The following OPCML variants were observed in gnomAD, a reference collection of about 807,000 sequenced individuals.
OPCML encodes opioid-binding protein/cell adhesion molecule.
A neutral mutation model predicts 37.8 loss-of-function variants in OPCML; 13 were observed. The ratio of observed to expected loss-of-function variants is 0.34; its 90% CI spans 0.22 to 0.55. The LOEUF is 0.55. OPCML is among the 20% of genes least tolerant of loss of function. OPCML has a pLI of 0.91. For synonymous variants in OPCML, 176 were observed against 168.8 expected, an observed-to-expected ratio of 1.04 and a Z score of -0.33; for missense variants, 341 against 435.6, an observed-to-expected ratio of 0.78 and a Z score of 1.93.
At chr11:132,949,387 C>G (rs140104683) in intron 1 of OPCML, among the ~76,000 whole-genome samples, 19 of 152,300 alleles carry the variant, frequency 1.2e-4, no homozygotes, top group Non-Finnish European at 2.8e-4. Flanking sequence ...GCACACAACT[C>G]AGGAACCCAC....
chr11:132,754,823 A>G (rs1315233995), intron 2 of OPCML, among the ~76,000 whole-genome samples: 1 of 152,162 alleles, frequency 6.6e-6, no homozygotes, highest in Non-Finnish European at 1.5e-5. Flanking sequence ...TCAAGCAAAG[A>G]CATTGGAAAT....
chr11:132,817,163 A>T (rs1035979012), intron 2 of OPCML: 3 of 152,262 alleles, frequency 2.0e-5, no homozygotes, highest in Non-Finnish European at 4.4e-5. Context: ...CTGTGGCTTG[A>T]TGTGATGGTT....
intron 2 of OPCML, among the ~76,000 whole-genome samples, chr11:132,922,482 G>A (rs1034756625): frequency 6.6e-6 from 1 of 152,058 alleles, no homozygotes; most frequent in Non-Finnish European, 1.5e-5. Flanking sequence ...TGTGCGGGAA[G>A]ACGGAGCACC....
In OPCML at chr11:133,021,557, G is replaced by A. The variant is rs1947452781; in HGVS notation, c.62-78547C>T. Among the ~76,000 whole-genome samples, 3 of 146,474 alleles carry A rather than the reference G, an allele frequency of 2.0e-5. No individual in the cohort carries two copies. The South Asian group carries it at 6.5e-4, about 32-fold the overall frequency. Reference sequence around the variant, plus strand: ...GACAGGATAATCAAGTGGGCAGGGAGTACACGGCTTCCTCCTGTGCTACGG... The same window carrying A: ...GACAGGATAATCAAGTGGGCAGGGAATACACGGCTTCCTCCTGTGCTACGG... On this transcript the variant is annotated intron_variant, in intron 1 of 7. Coordinates refer to ENST00000524381, the MANE Select transcript of OPCML (RefSeq NM_001012393.5).
intron 1 of OPCML, among the ~76,000 whole-genome samples, chr11:132,978,777 G>A (rs1753489023): frequency 6.6e-6 from 1 of 152,046 alleles, no homozygotes; most frequent in South Asian, 2.1e-4. Flanking sequence ...ATTTGCATAT[G>A]TATAATGTGT....
intron 2 of OPCML, among the ~76,000 whole-genome samples, chr11:132,710,171 T>A (rs1944204136): frequency 6.6e-6 from 1 of 152,184 alleles, no homozygotes; most frequent in Admixed American, 6.5e-5. Flanking sequence ...AACATGTATT[T>A]CACGTAGAGC....
chr11:132,531,393 T>G (rs2137304735), intron 3 of OPCML, among the ~76,000 whole-genome samples: 1 of 152,306 alleles, frequency 6.6e-6, no homozygotes, highest in South Asian at 2.1e-4. Flanking sequence ...AATTATTAAT[T>G]ACCAAACAGG....
chr11:133,049,861 AC>A (rs1367696917), intron 1 of OPCML, among the ~76,000 whole-genome samples: 1 of 151,866 alleles, frequency 6.6e-6, no homozygotes, highest in African/African-American at 2.4e-5. Flanking sequence ...TGCCGGGGAG[AC>A]CCCCTCAGGA....
At chr11:132,795,962 C>T (rs958171610) in intron 2 of OPCML, among the ~76,000 whole-genome samples, 1 of 152,214 alleles carries the variant, frequency 6.6e-6, no homozygotes, top group Non-Finnish European at 1.5e-5. Context: ...TTTTTAATTG[C>T]ATCTGCCCTG....
intron 2 of OPCML, among the ~76,000 whole-genome samples, chr11:132,811,834 G>A (rs372659277): frequency 6.6e-6 from 1 of 152,162 alleles, no homozygotes; most frequent in South Asian, 2.1e-4. Flanking sequence ...CCATCCATGG[G>A]TGTGAAGAGC....
At chr11:133,095,290 T>G (rs1020538867) in intron 1 of OPCML, among the ~76,000 whole-genome samples, 4 of 145,648 alleles carry the variant, frequency 2.7e-5, no homozygotes, top group African/African-American at 1.0e-4. Context: ...TTTTTTTTTT[T>G]TTTTTTTTTT....
chr11:132,766,605 C>A (rs1946453542), intron 2 of OPCML, among the ~76,000 whole-genome samples: 2 of 152,086 alleles, frequency 1.3e-5, no homozygotes, highest in Non-Finnish European at 2.9e-5. Flanking sequence ...AATTGTCCAC[C>A]CTCATGACCT....
intron 1 of OPCML, among the ~76,000 whole-genome samples, chr11:133,397,336 A>G (rs938758919): frequency 1.3e-5 from 2 of 152,238 alleles, no homozygotes; most frequent in African/African-American, 2.4e-5. Flanking sequence ...TCAAGCACCA[A>G]TAAGATGCCA....
intron 3 of OPCML, among the ~76,000 whole-genome samples, chr11:132,548,021 T>C (rs186613538): frequency 1.3e-5 from 2 of 152,330 alleles, no homozygotes; most frequent in East Asian, 3.9e-4. Flanking sequence ...AGTTAGACAC[T>C]GTACTATGGA....
At chr11:132,628,480 C>A (rs746815771) in intron 3 of OPCML, among the ~76,000 whole-genome samples, 1 of 152,120 alleles carries the variant, frequency 6.6e-6, no homozygotes, top group Non-Finnish European at 1.5e-5. Context: ...CTACCCCTCC[C>A]AGGATTAGTC....
intron 1 of OPCML, among the ~76,000 whole-genome samples, chr11:133,531,631 A>G (rs1443305579): frequency 6.6e-6 from 1 of 150,472 alleles, no homozygotes; most frequent in African/African-American, 2.4e-5. Flanking sequence ...GCAGGAGCAG[A>G]TGAGTGAGCT....
chr11:132,534,651 C>T (rs1322104610), intron 3 of OPCML, among the ~76,000 whole-genome samples: 3 of 152,138 alleles, frequency 2.0e-5, no homozygotes, highest in Non-Finnish European at 4.4e-5. Context: ...AGGGAACATG[C>T]CTCCAGTTCT....
At chr11:132,985,403 G>T (rs1258691807) in intron 1 of OPCML, among the ~76,000 whole-genome samples, 5 of 152,162 alleles carry the variant, frequency 3.3e-5, no homozygotes, top group Non-Finnish European at 7.3e-5. Context: ...TTGTTAGTAA[G>T]TCACCTTTCT....
At chr11:133,478,078 A>G (rs1947283328) in intron 1 of OPCML, among the ~76,000 whole-genome samples, 1 of 152,154 alleles carries the variant, frequency 6.6e-6, no homozygotes, top group Admixed American at 6.5e-5. Flanking sequence ...ATAATTATAG[A>G]TTTCATTTTG....
Sources: allele counts gnomAD v4.1 joint callset (sites outside exome capture counted in the v4.1 genomes callset), GRCh38; gene constraint gnomAD v4.1.1; transcripts MANE v1.5; gene names NCBI Gene and HGNC (gene_info 2026-07-23, HGNC 2026-07-21).